The following COL13A1 variants were observed in gnomAD, a reference collection of about 807,000 sequenced individuals.
COL13A1 encodes collagen alpha-1(XIII) chain.
In COL13A1, 89 loss-of-function variants were observed where a neutral mutation model predicts 130.9. The observed-to-expected ratio is 0.68, with a 90% CI of 0.57 to 0.81. COL13A1 has a LOEUF of 0.81. Ranked by LOEUF, COL13A1 falls within the 30% of genes least tolerant of loss-of-function variation. The probability of loss-of-function intolerance (pLI) is 0.00; values close to 1 mark genes in which losing one functional copy is unlikely to be tolerated. For missense variants in COL13A1, 879 were observed against 934.6 expected, an observed-to-expected ratio of 0.94 and a Z score of 0.78; for synonymous variants, 402 against 341.6, an observed-to-expected ratio of 1.18 and a Z score of -1.95.
chr10:69,920,034 A>T (rs2064427687), intron 21 of COL13A1, among the ~76,000 whole-genome samples: 1 of 152,156 alleles, frequency 6.6e-6, no homozygotes, highest in South Asian at 2.1e-4. Context: ...CTTCCGAAGG[A>T]TACCCAAACT....
At position 69,939,742 on chromosome 10, in the gene COL13A1, C is replaced by A. The variant is rs890544110; in HGVS notation, c.1879-1246C>A. On this transcript the variant is annotated intron_variant, in intron 34 of 40. Transcript: ENST00000645393. ...TGCATCGGGCTGGGATGGGGTGGGA[C>A]CCAGGCATCTGTTTTATTTAACATT... Among the ~76,000 whole-genome samples the A allele has an allele frequency of 3.3e-5, 5 of 152,312 alleles. No individual in the cohort carries two copies. The South Asian group carries it at 1.0e-3, about 32-fold the overall frequency.
intron 21 of COL13A1, among the ~76,000 whole-genome samples, chr10:69,920,923 GA>G (rs2064578525): frequency 6.6e-6 from 1 of 152,186 alleles, no homozygotes; most frequent in South Asian, 2.1e-4. Flanking sequence ...TGTGAAATGA[GA>G]ATGGGGTTCA....
intron 14 of COL13A1, among the ~76,000 whole-genome samples, chr10:69,900,716 C>T (rs566034864): frequency 7.2e-5 from 11 of 152,290 alleles, no homozygotes; most frequent in East Asian, 3.9e-4. Context: ...TGGTGTTGGA[C>T]GTCATTTCCA....
chr10:69,897,621 C>A, intron 13 of COL13A1: 1 of 1,436,216 alleles, frequency 7.0e-7, no homozygotes, highest in Non-Finnish European at 9.7e-7. Context: ...CAGGCCCCGG[C>A]AGTGGGAGCG....
chr10:69,898,553 A>G (rs1242657257), intron 13 of COL13A1, 144 bp from the exon 14 acceptor site: 1 of 621,404 alleles, frequency 1.6e-6, no homozygotes, highest in East Asian at 2.8e-5. Context: ...CCCACTCCTC[A>G]TGTGCACGCT....
chr10:69,905,714 G>T, intron 16 of COL13A1, 73 bp from the exon 17 acceptor site: 1 of 1,532,448 alleles, frequency 6.5e-7, no homozygotes. Flanking sequence ...GGATGGTATT[G>T]TGTGGGGAAC....
At chr10:69,806,217 G>A (rs1341975148) in intron 1 of COL13A1, among the ~76,000 whole-genome samples, 1 of 152,278 alleles carries the variant, frequency 6.6e-6, no homozygotes, top group African/African-American at 2.4e-5. Flanking sequence ...ACTTCCTGAA[G>A]AATGGGAGAA....
chr10:69,846,847 A>C (rs1853266235), intron 2 of COL13A1, among the ~76,000 whole-genome samples: 3 of 152,194 alleles, frequency 2.0e-5, no homozygotes, highest in Admixed American at 2.0e-4. Flanking sequence ...GTGTGCAGAC[A>C]CGTGGGGCAG....
intron 1 of COL13A1, among the ~76,000 whole-genome samples, chr10:69,810,206 G>A (rs1053159975): frequency 1.3e-5 from 2 of 152,116 alleles, no homozygotes; most frequent in Non-Finnish European, 1.5e-5. Context: ...CATTAGAATC[G>A]CCTGGGGAGC....
chr10:69,806,140 A>G (rs1449916538), intron 1 of COL13A1, among the ~76,000 whole-genome samples: 4 of 152,212 alleles, frequency 2.6e-5, no homozygotes, highest in Non-Finnish European at 1.5e-5. Context: ...ACAAGACCAG[A>G]TGAGTGCTCA....
At position 69,930,425 on chromosome 10, in the gene COL13A1, T is replaced by C. The variant is rs755927604; in HGVS notation, c.1556T>C (p.Met519Thr). Residue 519 changes from methionine (M) to threonine (T), a missense_variant, in exon 30 of 41, where the codon ATG becomes ACG. Coordinates refer to ENST00000645393, the MANE Select transcript of COL13A1 (RefSeq NM_001368882.1). ...GGACCTCGCGGTAAACCAGGAGACA[T>C]GGGCCCTCCTGGTCCCCAAGGCCCC... The part of the protein sequence containing the change: ...EKGPRGKPGD[M>T]GPPGPQGPPG... The C allele has an allele frequency of 3.7e-6, 6 of 1,611,456 alleles. No homozygotes were observed. The East Asian group carries it at 8.9e-5, about 24-fold the overall frequency.
chr10:69,878,389 G>T (rs900000741), intron 6 of COL13A1, among the ~76,000 whole-genome samples: 6 of 152,228 alleles, frequency 3.9e-5, no homozygotes, highest in Non-Finnish European at 8.8e-5. Context: ...GACCCCCGAG[G>T]CTATGGAATA....
intron 1 of COL13A1, among the ~76,000 whole-genome samples, chr10:69,803,034 C>A (rs1840484983): frequency 6.6e-6 from 1 of 152,174 alleles, no homozygotes; most frequent in Admixed American, 6.5e-5. Context: ...GGGCAAGCTC[C>A]ACTCCTCCCT....
chr10:69,947,446 T>C, intron 38 of COL13A1, 104 bp downstream of exon 38: 2 of 1,112,906 alleles, frequency 1.8e-6, no homozygotes, highest in East Asian at 2.6e-5. Context: ...CAGTTTTTCC[T>C]GATAAGTCAT....
chr10:69,826,356 A>G (rs1847483724), intron 2 of COL13A1, among the ~76,000 whole-genome samples: 1 of 152,182 alleles, frequency 6.6e-6, no homozygotes, highest in South Asian at 2.1e-4. Flanking sequence ...TCTCCAAGGG[A>G]AAGGGTAGGC....
intron 2 of COL13A1, among the ~76,000 whole-genome samples, chr10:69,857,262 G>C (rs1352918235): frequency 6.6e-6 from 1 of 152,208 alleles, no homozygotes; most frequent in Non-Finnish European, 1.5e-5. Flanking sequence ...GTTCAAAGCT[G>C]ATGGCTTAAA....
At chr10:69,809,741 G>A (rs984600353) in intron 1 of COL13A1, among the ~76,000 whole-genome samples, 1 of 152,254 alleles carries the variant, frequency 6.6e-6, no homozygotes, top group Non-Finnish European at 1.5e-5. Context: ...CTGCCTTGGC[G>A]TCAGGGCCGT....
intron 4 of COL13A1, among the ~76,000 whole-genome samples, chr10:69,874,292 C>T (rs1228857202): frequency 6.6e-6 from 1 of 152,188 alleles, no homozygotes; most frequent in Non-Finnish European, 1.5e-5. Context: ...CCCATGCAGT[C>T]CCCTCCTGTC....
intron 26 of COL13A1, 56 bp from the exon 27 acceptor site, chr10:69,927,031 C>A: frequency 6.2e-7 from 1 of 1,612,658 alleles, no homozygotes; most frequent in South Asian, 1.1e-5. Context: ...CAGTGAGAAC[C>A]TTCCACTTGG....
Sources: allele counts gnomAD v4.1 joint callset (sites outside exome capture counted in the v4.1 genomes callset), GRCh38; gene constraint gnomAD v4.1.1; transcripts MANE v1.5; gene names NCBI Gene and HGNC (gene_info 2026-07-23, HGNC 2026-07-21).